Variants in TNKS observed in about 807,000 individuals in gnomAD.
TNKS encodes tankyrase.
In TNKS, 72 loss-of-function variants were observed where a neutral mutation model predicts 135.8. The ratio of observed to expected loss-of-function variants is 0.53; its 90% CI spans 0.44 to 0.64. The LOEUF is 0.64. Among genes scored for constraint, TNKS ranks in the 30% least tolerant of loss-of-function variants. The pLI, the probability that TNKS is intolerant of heterozygous loss-of-function variation, is 0.00. For missense variants in TNKS, 1,769 were observed against 1,674.0 expected (o/e 1.06, Z -0.99); for synonymous variants, 849 against 649.3 (o/e 1.31, Z -4.68).
At chr8:9,621,065 T>C (rs1799848892) in intron 3 of TNKS, among the ~76,000 whole-genome samples, 2 of 152,222 alleles carry the variant, frequency 1.3e-5, no homozygotes, top group South Asian at 4.1e-4. Flanking sequence ...ATGCCAATAG[T>C]TTTAATAAAT....
chr8:9,701,605 G>C (rs1281723859), intron 5 of TNKS, among the ~76,000 whole-genome samples: 1 of 152,164 alleles, frequency 6.6e-6, no homozygotes, highest in African/African-American at 2.4e-5. Context: ...GAGAAAAATA[G>C]ACAAAATGTA....
intron 11 of TNKS, among the ~76,000 whole-genome samples, chr8:9,711,402 C>G (rs992462645): frequency 2.6e-5 from 4 of 152,126 alleles, no homozygotes; most frequent in African/African-American, 9.7e-5. Context: ...GCATAGTGTA[C>G]TTTACTTGTG....
intron 11 of TNKS, among the ~76,000 whole-genome samples, chr8:9,718,044 C>G (rs1804694473): frequency 6.6e-6 from 1 of 151,924 alleles, no homozygotes; most frequent in Non-Finnish European, 1.5e-5. Flanking sequence ...CCAAAAGGTA[C>G]AGAAAATGGA....
chr8:9,626,192 T>C (rs563447078), intron 3 of TNKS, among the ~76,000 whole-genome samples: 4 of 152,362 alleles, frequency 2.6e-5, no homozygotes, highest in African/African-American at 9.6e-5. Context: ...AATTCCACTT[T>C]ATATGATGTT....
At chr8:9,569,660 G>A (rs1232661897) in intron 1 of TNKS, among the ~76,000 whole-genome samples, 1 of 152,134 alleles carries the variant, frequency 6.6e-6, no homozygotes, top group Non-Finnish European at 1.5e-5. Context: ...GTCTGTAAAC[G>A]TCAACATTGA....
At position 9,754,438 on chromosome 8, in the gene TNKS, G is replaced by C. The variant is rs114468713; in HGVS notation, c.3153+1812G>C. 3.0e-3 allele frequency among the ~76,000 whole-genome samples: 453 copies of C among 152,102 alleles called. 2 individuals are homozygous for C. The highest frequency in any genetic ancestry group is 0.01 in the African/African-American group (428 of 41,492). On this transcript the variant is annotated intron_variant, in intron 20 of 26. Coordinates refer to ENST00000310430, the MANE Select transcript of TNKS (RefSeq NM_003747.3). ...CCCTTCTAGGCTTATAGTCAGTTTG[G>C]AGTTAACTTAAAAACCAGGTCTTTT... is the stretch of plus-strand genomic sequence containing the variant.
chr8:9,755,569 AC>A (rs1416353786), intron 20 of TNKS, among the ~76,000 whole-genome samples: 1 of 152,252 alleles, frequency 6.6e-6, no homozygotes, highest in Non-Finnish European at 1.5e-5. Context: ...AAATTTGATA[AC>A]CTTTTCCATA....
Position 9,778,153 on chromosome 8 carries a change from AT to A in TNKS, c.*1418del, listed in dbSNP as rs1563231645. 2.8e-5 allele frequency: 4 copies of A among 143,486 alleles called. No homozygotes were observed. Among genetic ancestry groups the A allele is most frequent in the Admixed American group, 2.1e-4 (3 of 14,564 alleles). 8.9% of individuals were successfully genotyped at this position (143,486 alleles called of 1,614,324 possible). ...GTGCCATTGACATTTATAAAAAAAA[AT>A]GATCCTTTATAGTTCTTACACTTGC... On this transcript the variant is annotated 3_prime_UTR_variant, in exon 27 of 27. Coordinates refer to ENST00000310430, the MANE Select transcript of TNKS (RefSeq NM_003747.3).
intron 25 of TNKS, among the ~76,000 whole-genome samples, 157 bp from the exon 26 acceptor site, chr8:9,769,949 A>G (rs933055408): frequency 1.3e-5 from 2 of 152,202 alleles, no homozygotes; most frequent in Non-Finnish European, 2.9e-5. Context: ...GCAAATCATT[A>G]TATCAAATTC....
At chr8:9,648,416 T>C (rs1801001184) in intron 3 of TNKS, among the ~76,000 whole-genome samples, 1 of 152,184 alleles carries the variant, frequency 6.6e-6, no homozygotes, top group African/African-American at 2.4e-5. Flanking sequence ...TAAACTTTTT[T>C]TGTTAAACAT....
At position 9,723,115 on chromosome 8, in the gene TNKS, A is replaced by G. The variant is rs1355717864; in HGVS notation, c.1921+2570A>G. ...TTTATTGATCTGGAAAGCTAATACA[A>G]ATAAAAAATATATATAGGAAAATTT... On this transcript the variant is annotated intron_variant, in intron 12 of 26. Coordinates refer to ENST00000310430, the MANE Select transcript of TNKS (RefSeq NM_003747.3). Among the ~76,000 whole-genome samples, 5 of 151,206 alleles carry G rather than the reference A, an allele frequency of 3.3e-5. No individual in the cohort carries two copies. The East Asian group carries it at 9.8e-4, about 30-fold the overall frequency.
At chr8:9,576,925 T>G in intron 1 of TNKS, among the ~76,000 whole-genome samples, 1 of 152,204 alleles carries the variant, frequency 6.6e-6, no homozygotes, top group East Asian at 1.9e-4. Flanking sequence ...GAAACACAAG[T>G]GTTTAAAAAA....
chr8:9,726,587 T>A, intron 12 of TNKS, 54 bp from the exon 13 acceptor site: 1 of 1,300,678 alleles, frequency 7.7e-7, no homozygotes, highest in Non-Finnish European at 1.1e-6. Context: ...ATCAATGCAG[T>A]TGGAATATAT....
At position 9,706,853 on chromosome 8, in the gene TNKS, C is replaced by T. The variant is rs1477796985; in HGVS notation, c.1312C>T (p.Pro438Ser). Reference protein sequence around the residue: ...VNAMDLWQFTPLHEAASKNRV... With the variant: ...VNAMDLWQFTSLHEAASKNRV... ...TGCCATGGATCTCTGGCAGTTTACT[C>T]CACTGCACGAGGCTGCTTCCAAGAA... Residue 438 changes from proline (P) to serine (S), a missense_variant, in exon 8 of 27, where the codon CCA becomes TCA. Pro to Ser is a moderately conservative substitution (Grantham distance 74). This residue lies in a region of TNKS where 523 missense variants were observed against 541.0 expected (regional missense o/e 0.97). Transcript: ENST00000310430. The T allele has an allele frequency of 4.3e-6, 7 of 1,613,670 alleles. No individual in the cohort carries two copies. The East Asian group carries it at 6.7e-5, about 15-fold the overall frequency.
chr8:9,765,665 A>ATGTT (rs756773321), intron 23 of TNKS, 27 bp from the exon 24 acceptor site: 15 of 1,572,222 alleles, frequency 9.5e-6, no homozygotes, highest in African/African-American at 8.1e-5. Flanking sequence ...TTCACCGATA[A>ATGTT]TGTTTCTTTC....
intron 3 of TNKS, among the ~76,000 whole-genome samples, chr8:9,645,021 A>G (rs1444277911): frequency 6.6e-6 from 1 of 152,138 alleles, no homozygotes; most frequent in East Asian, 1.9e-4. Flanking sequence ...GGTGTATTAA[A>G]TATATGTTTT....
chr8:9,736,049 T>C (rs1805684715), intron 17 of TNKS, among the ~76,000 whole-genome samples: 1 of 148,828 alleles, frequency 6.7e-6, no homozygotes, highest in South Asian at 2.1e-4. Flanking sequence ...AGGCATGTAA[T>C]GGGTGCTCAG....
intron 1 of TNKS, among the ~76,000 whole-genome samples, chr8:9,578,367 A>G (rs1180910511): frequency 6.6e-6 from 1 of 152,234 alleles, no homozygotes; most frequent in Non-Finnish European, 1.5e-5. Flanking sequence ...TATTTAAAAA[A>G]CAAAACCAGG....
chr8:9,736,374 A>T (rs1462787565), intron 17 of TNKS, among the ~76,000 whole-genome samples: 1 of 147,030 alleles, frequency 6.8e-6, no homozygotes, highest in Non-Finnish European at 1.5e-5. Context: ...AAAAAAAAAA[A>T]TTAAATGGTT....
Sources: allele counts gnomAD v4.1 joint callset (sites outside exome capture counted in the v4.1 genomes callset), GRCh38; gene constraint gnomAD v4.1.1; regional missense constraint gnomAD v4.1.1; transcripts MANE v1.5; gene names NCBI Gene and HGNC (gene_info 2026-07-23, HGNC 2026-07-21).